CPSF7: variants seen among roughly 807,000 people sequenced by gnomAD.
The protein encoded by CPSF7 is cleavage and polyadenylation specificity factor subunit 7.
In CPSF7, 1 loss-of-function variant was observed where a neutral mutation model predicts 44.3. That is an observed-to-expected ratio of 0.02 (90% CI 0.01 to 0.11). The LOEUF (loss-of-function observed/expected upper bound fraction) is 0.11. Ranked by LOEUF, CPSF7 falls within the 10% of genes least tolerant of loss-of-function variation. The probability of loss-of-function intolerance (pLI) is 1.00; values close to 1 mark genes in which losing one functional copy is unlikely to be tolerated. For missense variants in CPSF7, 443 were observed against 607.2 expected, an observed-to-expected ratio of 0.73 and a Z score of 2.84; for synonymous variants, 202 against 222.0, an observed-to-expected ratio of 0.91 and a Z score of 0.80.
intron 2 of CPSF7, among the ~76,000 whole-genome samples, chr11:61,422,580 G>T (rs1158723895): frequency 3.9e-5 from 6 of 152,066 alleles, no homozygotes; most frequent in Admixed American, 1.3e-4. Context: ...GCCTCCCAAA[G>T]TGCCGGGATT....
chr11:61,421,450 C>G lies in CPSF7; in HGVS notation c.213G>C (p.Leu71=), dbSNP rs1374768073. The change falls in exon 3 of 10, where the codon CTG becomes CTC. Residue 71 remains leucine (L), a synonymous_variant. Coordinates refer to ENST00000439958, the MANE Select transcript of CPSF7 (RefSeq NM_001142565.3). ...TATTACGCAGGCCACTGTAGGTATACAGAATTGCAGGGGTCTTGTTGTTGG... is the reference window on the plus strand; with the variant it reads ...TATTACGCAGGCCACTGTAGGTATAGAGAATTGCAGGGGTCTTGTTGTTGG... ...PKPNNKTPAI[L]YTYSGLRNRR... is the part of the protein sequence containing the mutation. 2.5e-6 allele frequency: 4 copies of G among 1,614,182 alleles called. No homozygotes were observed. The highest frequency in any genetic ancestry group is 1.1e-5 in the South Asian group (1 of 91,082).
chr11:61,420,623 G>T, intron 3 of CPSF7, 50 bp from the exon 4 acceptor site: 1 of 1,400,258 alleles, frequency 7.1e-7, no homozygotes, highest in Non-Finnish European at 1.0e-6. Context: ...CTACACCCCC[G>T]CCCGCCAATG....
chr11:61,412,671 AC>A lies in CPSF7; in HGVS notation c.1058-735del, dbSNP rs548568087. ...CTACAGAATATTACATTATTAATGT[AC>A]TATTAACAATTAAAAAAGCAGGAGG... On this transcript the variant is annotated intron_variant, in intron 7 of 9. Transcript: ENST00000439958. Among the ~76,000 whole-genome samples, 5 of 152,374 alleles carry A rather than the reference AC, an allele frequency of 3.3e-5. No homozygotes were observed. In the South Asian group the frequency reaches 6.2e-4, roughly 19 times the overall value.
At chr11:61,408,686 A>G (rs1356371577) in intron 9 of CPSF7, among the ~76,000 whole-genome samples, 7 of 152,182 alleles carry the variant, frequency 4.6e-5, no homozygotes, top group Non-Finnish European at 1.5e-5. Flanking sequence ...TGCAACCTAA[A>G]GACACAGCAC....
At position 61,421,401 on chromosome 11, in the gene CPSF7, T is replaced by G; in HGVS notation, c.262A>C (p.Ser88Arg). 6.2e-7 allele frequency: 1 copy of G among 1,614,044 alleles called. No homozygotes were observed. The highest frequency in any genetic ancestry group is 8.5e-7 in the Non-Finnish European group (1 of 1,179,932). Residue 88 changes from serine to arginine, a missense_variant, in exon 3 of 10, where the codon AGC (serine) becomes CGC (arginine). By Grantham distance (110) the Ser-to-Arg change is moderately radical. Coordinates refer to ENST00000439958, the MANE Select transcript of CPSF7 (RefSeq NM_001142565.3). The stretch of plus-strand genomic sequence containing the variant: ...TTACCCACACTCACCCAGGAGAAGC[T>G]GCCCACATAAACGGCAGCTCGTCTA... ...RNRRAAVYVG[S>R]FSWWTTDQQL...
intron 5 of CPSF7, 114 bp downstream of exon 5, chr11:61,419,835 C>G (rs189876421): frequency 1.7e-5 from 23 of 1,357,782 alleles, no homozygotes; most frequent in Non-Finnish European, 9.1e-6. Context: ...CACCCTCCCC[C>G]AAACTCACCC....
intron 6 of CPSF7, 26 bp from the exon 7 acceptor site, chr11:61,415,810 A>G (rs1385076451): frequency 6.9e-7 from 1 of 1,439,852 alleles, no homozygotes; most frequent in Non-Finnish European, 9.8e-7. Flanking sequence ...ACCATCCTTG[A>G]TTGCTCACAT....
Position 61,410,954 on chromosome 11 carries a change from G to C in CPSF7, c.1378C>G (p.Arg460Gly), listed in dbSNP as rs768027418. Residue 460 changes from arginine to glycine, a missense_variant, in exon 9 of 10, where the codon CGG becomes GGG. Arg to Gly is a moderately radical substitution (Grantham distance 125, BLOSUM62 -2). Coordinates refer to ENST00000439958, the MANE Select transcript of CPSF7 (RefSeq NM_001142565.3). Reference protein sequence around the residue: ...HERHRDRERDRHH With the variant: ...HERHRDRERDGHH Reference sequence around the variant, plus strand: ...TCTCCCCACCTTTCTCAGTGGTGCCGGTCCCGTTCTCTATCCCGGTGTCTC... The same window carrying C: ...TCTCCCCACCTTTCTCAGTGGTGCCCGTCCCGTTCTCTATCCCGGTGTCTC... 1 of 1,607,932 alleles carries C rather than the reference G, an allele frequency of 6.2e-7. No individual in the cohort carries two copies. Among genetic ancestry groups the C allele is most frequent in the South Asian group, 1.1e-5 (1 of 90,384 alleles).
At chr11:61,429,540 A>G (rs527371373) in intron 1 of CPSF7, 204 of 566,932 alleles carry the variant, frequency 3.6e-4, no homozygotes, top group Middle Eastern at 9.4e-4. Context: ...CTATGGCGCG[A>G]CGGAAAAGTC....
intron 1 of CPSF7, 91 bp from the exon 2 acceptor site, chr11:61,429,381 A>ATC: frequency 3.9e-6 from 3 of 762,600 alleles, no homozygotes; most frequent in Non-Finnish European, 6.8e-6. Context: ...ATCTCCAGAG[A>ATC]CGCAGCATCC....
At chr11:61,406,854 C>T (rs958714458) in intron 9 of CPSF7, among the ~76,000 whole-genome samples, 1 of 152,148 alleles carries the variant, frequency 6.6e-6, no homozygotes, top group Non-Finnish European at 1.5e-5. Flanking sequence ...GTGATCCTCC[C>T]ACCTAAGTGC....
intron 3 of CPSF7, 37 bp from the exon 4 acceptor site, chr11:61,420,610 G>A (rs1225953515): frequency 6.6e-7 from 1 of 1,519,730 alleles, no homozygotes; most frequent in South Asian, 1.1e-5. Flanking sequence ...GAGATGTCAA[G>A]AGCTACACCC....
chr11:61,420,394 C>T, intron 4 of CPSF7, 76 bp downstream of exon 4: 4 of 1,377,820 alleles, frequency 2.9e-6, no homozygotes, highest in Non-Finnish European at 4.1e-6. Flanking sequence ...GATTAAAATC[C>T]AGGGCCAAAA....
intron 3 of CPSF7, 83 bp downstream of exon 3, chr11:61,421,307 A>G (rs1396211756): frequency 4.2e-6 from 5 of 1,201,986 alleles, no homozygotes; most frequent in Non-Finnish European, 6.1e-6. Flanking sequence ...AAAACAGTGC[A>G]ACAGTAGTTT....
chr11:61,413,883 C>T (rs572951196), intron 7 of CPSF7, among the ~76,000 whole-genome samples: 2 of 152,286 alleles, frequency 1.3e-5, no homozygotes, highest in East Asian at 3.9e-4. Context: ...TATGGAGAAA[C>T]TGTCCAGTGG....
intron 2 of CPSF7, among the ~76,000 whole-genome samples, chr11:61,427,496 T>C (rs1477707259): frequency 6.6e-6 from 1 of 151,244 alleles, no homozygotes; most frequent in Non-Finnish European, 1.5e-5. Context: ...CTACTAAAAT[T>C]ACAAAAATTA....
intron 5 of CPSF7, 57 bp downstream of exon 5, chr11:61,419,892 C>A (rs745800857): frequency 6.3e-7 from 1 of 1,589,728 alleles, no homozygotes. Flanking sequence ...CCACAAACAC[C>A]CCCCCCTCAT....
intron 9 of CPSF7, among the ~76,000 whole-genome samples, chr11:61,406,629 T>C (rs1468765213): frequency 1.3e-5 from 2 of 152,362 alleles, no homozygotes; most frequent in East Asian, 1.9e-4. Context: ...CATCTTGTCA[T>C]GGGCCTACAC....
intron 9 of CPSF7, among the ~76,000 whole-genome samples, chr11:61,409,981 G>A (rs1489759723): frequency 1.3e-5 from 2 of 151,848 alleles, no homozygotes; most frequent in African/African-American, 4.8e-5. Flanking sequence ...AAAAAAAAAA[G>A]ATAGGGTTTC....
Sources: gnomAD v4.1 joint callset for allele counts (sites outside exome capture counted in the v4.1 genomes callset) on GRCh38, gnomAD v4.1.1 for gene constraint, MANE v1.5 for transcripts, NCBI Gene and HGNC (gene_info 2026-07-23, HGNC 2026-07-21) for gene names.